The following PIGX variants were observed in gnomAD, a reference collection of about 807,000 sequenced individuals.
The protein encoded by PIGX is GPI alpha-1,4-mannosyltransferase I, stabilizing subunit.
Under a neutral mutation model 28.7 loss-of-function variants are expected in PIGX, and 24 were observed. The observed-to-expected ratio is 0.84, with a 90% CI of 0.60 to 1.17. The LOEUF is 1.17. Among genes scored for constraint, PIGX ranks in the 50% most tolerant of loss-of-function variants. PIGX has a pLI of 0.00. For missense variants in PIGX, 305 were observed against 317.8 expected (o/e 0.96, Z 0.31); for synonymous variants, 127 against 121.0 (o/e 1.05, Z -0.33).
intron 1 of PIGX, among the ~76,000 whole-genome samples, chr3:196,714,141 C>G (rs868490718): frequency 6.6e-6 from 1 of 152,046 alleles, no homozygotes; most frequent in Non-Finnish European, 1.5e-5. Flanking sequence ...CCCACCCTAC[C>G]CCCATTAAAA....
At chr3:196,730,884 A>G in intron 4 of PIGX, 108 bp from the exon 5 acceptor site, 1 of 616,216 alleles carries the variant, frequency 1.6e-6, no homozygotes, top group East Asian at 2.8e-5. Context: ...GATCATATAC[A>G]TAATGTATTA....
rs578145124 is a variant in PIGX, at chr3:196,734,884, G to T, written c.*982G>T. On this transcript the variant is annotated 3_prime_UTR_variant, in exon 6 of 6. Coordinates refer to ENST00000392391, the MANE Select transcript of PIGX (RefSeq NM_017861.4). Reference sequence around the variant, plus strand: ...AACTCAGATTGCCATTTTAAATAAAGTTGTACATGAACAATAATTGGAATC... The same window carrying T: ...AACTCAGATTGCCATTTTAAATAAATTTGTACATGAACAATAATTGGAATC... 2.0e-5 allele frequency: 3 copies of T among 152,132 alleles called. No homozygotes were observed. In the East Asian group the frequency reaches 5.8e-4, roughly 29 times the overall value. 9.4% of individuals were successfully genotyped at this position (152,132 alleles called of 1,614,324 possible).
chr3:196,717,137 A>G (rs1302108106), intron 2 of PIGX, among the ~76,000 whole-genome samples: 1 of 151,912 alleles, frequency 6.6e-6, no homozygotes, highest in African/African-American at 2.4e-5. Flanking sequence ...TGTCTCTACT[A>G]AAAATACAAA....
chr3:196,715,877 G>A (rs1712076497), intron 1 of PIGX, among the ~76,000 whole-genome samples: 1 of 152,146 alleles, frequency 6.6e-6, no homozygotes, highest in Non-Finnish European at 1.5e-5. Flanking sequence ...CCAGGCTTGT[G>A]TGTGTTTTTT....
At position 196,727,934 on chromosome 3, in the gene PIGX, T is replaced by G; in HGVS notation, c.330T>G (p.Val110=). The change falls in exon 4 of 6, where the codon GTT becomes GTG. Residue 110 remains valine, a synonymous_variant. Transcript: ENST00000392391. ...TTCTTTTTGAACAGGCAGTGATGGT[T>G]TCAGAAAATTTTGATATAGAGGCCC... 1 of 1,605,106 alleles carries G rather than the reference T, an allele frequency of 6.2e-7. No individual in the cohort carries two copies. Among genetic ancestry groups the G allele is most frequent in the Non-Finnish European group, 8.5e-7 (1 of 1,173,010 alleles).
chr3:196,713,171 C>T (rs1002926723), intron 1 of PIGX: 2 of 809,494 alleles, frequency 2.5e-6, no homozygotes, highest in African/African-American at 1.9e-5. Flanking sequence ...GTTTCTCCAT[C>T]TGTAAAATGA....
chr3:196,726,831 G>A (rs1577677084), intron 3 of PIGX: 1 of 293,926 alleles, frequency 3.4e-6, no homozygotes, highest in Non-Finnish European at 6.9e-6. Context: ...TAGATAGATC[G>A]AGATGACTTA....
intron 1 of PIGX, 39 bp from the exon 2 acceptor site, chr3:196,716,819 T>A: frequency 9.2e-7 from 1 of 1,088,106 alleles, no homozygotes; most frequent in Non-Finnish European, 1.3e-6. Flanking sequence ...TTTTATTCAG[T>A]GCTTTTGTTT....
At position 196,734,736 on chromosome 3, in the gene PIGX, A is replaced by T. The variant is rs1249752911; in HGVS notation, c.*834A>T. The T allele has an allele frequency of 2.0e-5, 3 of 152,194 alleles. No homozygotes were observed. Among genetic ancestry groups the T allele is most frequent in the Non-Finnish European group, 4.4e-5 (3 of 68,028 alleles). The allele number at this position is 152,194 out of a possible 1,614,324, so 9.4% of individuals were successfully genotyped here. ...AATTATTGATAATCTTAAATTATTG[A>T]TTATTCCTTAACGCACTCCATTCTC... On this transcript the variant is annotated 3_prime_UTR_variant, in exon 6 of 6. Transcript: ENST00000392391.
intron 3 of PIGX, among the ~76,000 whole-genome samples, chr3:196,726,168 A>G (rs1052730068): frequency 2.0e-5 from 3 of 152,070 alleles, no homozygotes; most frequent in East Asian, 1.9e-4. Flanking sequence ...GCGTGTGTCT[A>G]TAGTCTCAGC....
chr3:196,717,169 C>A (rs1277229682), intron 2 of PIGX, among the ~76,000 whole-genome samples: 1 of 151,912 alleles, frequency 6.6e-6, no homozygotes, highest in Non-Finnish European at 1.5e-5. Context: ...CATGATGGTA[C>A]ACACACCTAT....
intron 2 of PIGX, chr3:196,717,952 A>C (rs116871184): frequency 6.6e-6 from 1 of 152,336 alleles, no homozygotes; most frequent in East Asian, 1.9e-4. Context: ...GAAGCTTCGC[A>C]AGGTGATTAT....
At chr3:196,719,641 T>C (rs1466753782) in intron 2 of PIGX, among the ~76,000 whole-genome samples, 3 of 152,220 alleles carry the variant, frequency 2.0e-5, no homozygotes, top group African/African-American at 7.2e-5. Context: ...CTCCTTCTCT[T>C]TTCTATGCTG....
chr3:196,717,907 G>A (rs1041618605), intron 2 of PIGX: 2 of 152,218 alleles, frequency 1.3e-5, no homozygotes, highest in African/African-American at 4.8e-5. Context: ...GTAAAAAGGT[G>A]TGGAAACTGT....
At chr3:196,715,543 T>C (rs1712063382) in intron 1 of PIGX, among the ~76,000 whole-genome samples, 4 of 152,272 alleles carry the variant, frequency 2.6e-5, no homozygotes. Context: ...TTTTCTATTC[T>C]TTTTTCATTC....
chr3:196,722,326 C>T, intron 2 of PIGX, 89 bp from the exon 3 acceptor site: 1 of 903,948 alleles, frequency 1.1e-6, no homozygotes, highest in Non-Finnish European at 1.7e-6. Context: ...TTTTGAAATA[C>T]AGTGTTTTCA....
At chr3:196,712,674 G>C in intron 1 of PIGX, 30 bp downstream of exon 1, 1 of 1,180,112 alleles carries the variant, frequency 8.5e-7, no homozygotes, top group Non-Finnish European at 1.0e-6. Flanking sequence ...GGGGGCCAGA[G>C]CGTGGGAGCG....
chr3:196,729,663 AGG>A (rs1712669008), intron 4 of PIGX, among the ~76,000 whole-genome samples: 2 of 151,044 alleles, frequency 1.3e-5, no homozygotes, highest in Non-Finnish European at 3.0e-5. Context: ...CTGGGATTAC[AGG>A]CGTGAGCCAC....
At position 196,733,601 on chromosome 3, in the gene PIGX, G is replaced by A. The variant is rs1476411715; in HGVS notation, c.634-158G>A. ...TAATTTTTGTATTTTTAGTAGAGAT[G>A]GTTTAGTAGAGATGTTGGCCAGGCT... On this transcript the variant is annotated intron_variant, in intron 5 of 5. Transcript: ENST00000392391. The surrounding 1 kb of genome is among the most constrained non-coding windows in gnomAD (Gnocchi z 4.3). Among the ~76,000 whole-genome samples the A allele has an allele frequency of 6.6e-6, 1 of 151,874 alleles. No homozygotes were observed. The highest frequency in any genetic ancestry group is 1.5e-5 in the Non-Finnish European group (1 of 67,950).
Sources: gnomAD v4.1 joint callset for allele counts (sites outside exome capture counted in the v4.1 genomes callset) on GRCh38, gnomAD v4.1.1 for gene constraint, Gnocchi (gnomAD v3.1) non-coding constraint, MANE v1.5 for transcripts, NCBI Gene and HGNC (gene_info 2026-07-23, HGNC 2026-07-21) for gene names.